Variants in CSMD2 observed in about 807,000 individuals in gnomAD.
The protein encoded by CSMD2 is CUB and Sushi multiple domains 2, also known as CUB and sushi domain-containing protein 2.
Under a neutral mutation model 398.5 loss-of-function variants are expected in CSMD2, and 130 were observed. The ratio of observed to expected loss-of-function variants is 0.33; its 90% CI spans 0.28 to 0.38. The LOEUF (loss-of-function observed/expected upper bound fraction) is 0.38. Among genes scored for constraint, CSMD2 ranks in the 10% least tolerant of loss-of-function variants. The pLI is 1.00. For synonymous variants in CSMD2, 1,828 were observed against 1,908.5 expected (o/e 0.96, Z 1.10); for missense variants, 3,829 against 4,764.9 (o/e 0.80, Z 5.78).
chr1:33,813,691 AC>A (rs1657119879), intron 9 of CSMD2, among the ~76,000 whole-genome samples: 1 of 152,076 alleles, frequency 6.6e-6, no homozygotes, highest in Admixed American at 6.5e-5. Flanking sequence ...TGACACTGAA[AC>A]AACTTGGTGC....
chr1:33,572,828 A>C, intron 49 of CSMD2, 137 bp from the exon 50 acceptor site: 1 of 555,086 alleles, frequency 1.8e-6, no homozygotes, highest in Non-Finnish European at 2.8e-6. Flanking sequence ...AATAAAAAAG[A>C]AAATGGGAGG....
At chr1:33,820,625 C>T in intron 7 of CSMD2, 69 bp from the exon 8 acceptor site, 2 of 1,051,834 alleles carry the variant, frequency 1.9e-6, no homozygotes, top group Non-Finnish European at 2.9e-6. Flanking sequence ...AGGGAGGCAC[C>T]AGCTGGGGCA....
intron 25 of CSMD2, among the ~76,000 whole-genome samples, chr1:33,668,933 T>C (rs1224760526): frequency 6.6e-6 from 1 of 152,114 alleles, no homozygotes; most frequent in African/African-American, 2.4e-5. Context: ...ATATGTGCAA[T>C]AGGTGCTAAA....
Position 33,567,849 on chromosome 1 carries a change from C to G in CSMD2, c.8132-8G>C, listed in dbSNP as rs549732812. On this transcript the variant is annotated splice_region_variant and splice_polypyrimidine_tract_variant and intron_variant, in intron 52 of 70. Transcript: ENST00000373381. ...GGAGCTTGGTCTGAGTGGCTAGAGA[C>G]AGGGATGGTGGGGAAAAGGACCAAC... 78 of 1,564,144 alleles carry G rather than the reference C, an allele frequency of 5.0e-5. 1 individual carries two copies. In the South Asian group the frequency reaches 8.7e-4, roughly 17 times the overall value.
Position 34,018,010 on chromosome 1 carries a change from C to A in CSMD2, c.517+14584G>T, listed in dbSNP as rs537526702. On this transcript the variant is annotated intron_variant, in intron 3 of 70. Coordinates refer to ENST00000373381, the MANE Select transcript of CSMD2 (RefSeq NM_001281956.2). ...CATTTGCTATTTATCACACAAACAA[C>A]ACTTGAGTAGCCATAAAGAGGAACT... Among the ~76,000 whole-genome samples the A allele has an allele frequency of 1.0e-3, 159 of 152,206 alleles. 1 individual carries two copies. Among genetic ancestry groups the A allele is most frequent in the Middle Eastern group, 6.8e-3 (2 of 294 alleles).
intron 5 of CSMD2, among the ~76,000 whole-genome samples, chr1:33,866,751 A>G (rs1351696916): frequency 6.6e-6 from 1 of 152,076 alleles, no homozygotes. Flanking sequence ...CTGGCCCTCC[A>G]GCCTGTACAC....
chr1:33,592,742 T>G (rs292815), intron 44 of CSMD2, among the ~76,000 whole-genome samples: 9,927 of 151,964 alleles, frequency 0.065, 938 homozygotes, highest in African/African-American at 0.21. Context: ...AAGGTCAGGA[T>G]ATCGAGACCA....
rs559759979 is a variant in CSMD2, at chr1:33,896,153, T to C, written c.920+21941A>G. Among the ~76,000 whole-genome samples the C allele has an allele frequency of 5.9e-5, 9 of 152,204 alleles. No individual in the cohort carries two copies. The South Asian group carries it at 1.5e-3, about 25-fold the overall frequency. ...GAAATATGTAGATTTTGATGATGAA[T>C]TCATGCTCATCAGAAAACCAATGAA... On this transcript the variant is annotated intron_variant, in intron 5 of 70. Transcript: ENST00000373381.
chr1:33,605,750 C>CGG, intron 41 of CSMD2: 1 of 896,512 alleles, frequency 1.1e-6, no homozygotes, highest in Non-Finnish European at 1.7e-6. Flanking sequence ...TTAGTAATTC[C>CGG]GTAGGAAAAG....
chr1:33,655,757 A>G (rs1346804522), intron 27 of CSMD2, among the ~76,000 whole-genome samples: 2 of 152,248 alleles, frequency 1.3e-5, no homozygotes, highest in Non-Finnish European at 2.9e-5. Flanking sequence ...AATCAGAAGC[A>G]TGTCACTGGG....
chr1:33,719,708 T>C (rs116568122), intron 19 of CSMD2, among the ~76,000 whole-genome samples: 2,651 of 152,228 alleles, frequency 0.017, 77 homozygotes, highest in African/African-American at 0.06. Flanking sequence ...TGCTCAAAGG[T>C]CTTGGCTAAG....
rs979267000 is a variant in CSMD2, at chr1:33,648,718, T to G, written c.4587-1883A>C. On this transcript the variant is annotated intron_variant, in intron 28 of 70. Coordinates refer to ENST00000373381, the MANE Select transcript of CSMD2 (RefSeq NM_001281956.2). Reference sequence around the variant, plus strand: ...CTGGAAAGCTTCGAGAGAGACTCCTTCTGCCCGACAACAATGCTCCTGATC... The same window carrying G: ...CTGGAAAGCTTCGAGAGAGACTCCTGCTGCCCGACAACAATGCTCCTGATC... Among the ~76,000 whole-genome samples the G allele has an allele frequency of 2.0e-5, 3 of 152,236 alleles. No homozygotes were observed. In the East Asian group the frequency reaches 5.8e-4, roughly 29 times the overall value.
At chr1:33,765,518 T>A (rs1650376647) in intron 13 of CSMD2, among the ~76,000 whole-genome samples, 1 of 152,172 alleles carries the variant, frequency 6.6e-6, no homozygotes, top group African/African-American at 2.4e-5. Context: ...TGCATAATAG[T>A]TTGGACAATA....
At chr1:33,541,475 CTTTTT>C (rs965866453) in intron 58 of CSMD2, among the ~76,000 whole-genome samples, 166 bp from the exon 59 acceptor site, 1 of 151,574 alleles carries the variant, frequency 6.6e-6, no homozygotes, top group African/African-American at 2.4e-5. Context: ...TTCTAAATTT[CTTTTT>C]TTTTAAGTCA....
intron 1 of CSMD2, among the ~76,000 whole-genome samples, chr1:34,158,799 A>G (rs189007297): frequency 1.3e-5 from 2 of 152,138 alleles, no homozygotes; most frequent in African/African-American, 4.8e-5. Flanking sequence ...TTCTTTACCT[A>G]CCTGCTCTAC....
intron 10 of CSMD2, among the ~76,000 whole-genome samples, chr1:33,796,786 T>C (rs1031863532): frequency 2.0e-5 from 3 of 152,212 alleles, no homozygotes; most frequent in Non-Finnish European, 4.4e-5. Flanking sequence ...TAAATGGATG[T>C]GCAAGTAGGG....
intron 1 of CSMD2, among the ~76,000 whole-genome samples, chr1:34,141,031 C>A (rs1487801647): frequency 6.6e-6 from 1 of 152,056 alleles, no homozygotes; most frequent in Non-Finnish European, 1.5e-5. Context: ...AATATAGGGC[C>A]TTTTGAGGTT....
At chr1:33,657,825 AC>A (rs1643996881) in intron 27 of CSMD2, 120 bp downstream of exon 27, 2 of 979,712 alleles carry the variant, frequency 2.0e-6, no homozygotes, top group African/African-American at 3.2e-5. Context: ...GTTTTCTGCA[AC>A]TTTTGTCTGT....
intron 10 of CSMD2, 50 bp from the exon 11 acceptor site, chr1:33,792,576 T>C (rs1039844190): frequency 3.2e-5 from 41 of 1,262,792 alleles, no homozygotes; most frequent in Non-Finnish European, 4.2e-5. Flanking sequence ...TGAGGAAGCC[T>C]TCCAAAGCCT....
Sources: gnomAD v4.1 joint callset for allele counts (sites outside exome capture counted in the v4.1 genomes callset) on GRCh38, gnomAD v4.1.1 for gene constraint, MANE v1.5 for transcripts, NCBI Gene and HGNC (gene_info 2026-07-23, HGNC 2026-07-21) for gene names.